Variants in COL22A1 observed in about 807,000 individuals in gnomAD.
The protein encoded by COL22A1 is collagen type XXII alpha 1 chain, also known as collagen alpha-1(XXII) chain.
COL22A1 carries 221 observed loss-of-function variants against 248.9 expected under a neutral mutation model. The ratio of observed to expected loss-of-function variants is 0.89; its 90% confidence interval spans 0.80 to 0.99. The LOEUF (loss-of-function observed/expected upper bound fraction) is 0.99, where lower values mean the gene tolerates loss of function less well. COL22A1 is among the 50% of genes least tolerant of loss of function. The pLI, the probability that COL22A1 is intolerant of heterozygous loss-of-function variation, is 0.00. For synonymous variants in COL22A1, 891 were observed against 793.4 expected (o/e 1.12, Z -2.07); for missense variants, 2,240 against 2,179.0 (o/e 1.03, Z -0.56).
chr8:138,631,279 C>G (rs890500549), intron 49 of COL22A1, among the ~76,000 whole-genome samples: 1 of 152,150 alleles, frequency 6.6e-6, no homozygotes, highest in Non-Finnish European at 1.5e-5. Flanking sequence ...TCCTAGCTTC[C>G]TGAACCATAA....
At chr8:138,643,458 T>C (rs1365637304) in intron 47 of COL22A1, among the ~76,000 whole-genome samples, 1 of 152,148 alleles carries the variant, frequency 6.6e-6, no homozygotes, top group East Asian at 1.9e-4. Flanking sequence ...CAACATAGAA[T>C]TATTGGTTTT....
chr8:138,713,179 A>C (rs1260252966), intron 30 of COL22A1, among the ~76,000 whole-genome samples: 1 of 152,012 alleles, frequency 6.6e-6, no homozygotes, highest in Admixed American at 6.6e-5. Flanking sequence ...GACGAACTAC[A>C]GTTGTGTGAA....
At chr8:138,597,493 C>T (rs1040267201) in intron 61 of COL22A1, among the ~76,000 whole-genome samples, 1 of 152,180 alleles carries the variant, frequency 6.6e-6, no homozygotes, top group African/African-American at 2.4e-5. Context: ...CTCACCAAGT[C>T]CTGGTGCTTG....
At chr8:138,833,522 C>T (rs1404673484) in intron 4 of COL22A1, among the ~76,000 whole-genome samples, 5 of 152,172 alleles carry the variant, frequency 3.3e-5, no homozygotes, top group African/African-American at 4.8e-5. Context: ...GCTCTGCAGG[C>T]GAACGGCCAC....
chr8:138,806,178 AATGGTGTGTG>A (rs1441166953), intron 10 of COL22A1, among the ~76,000 whole-genome samples: 1 of 5,384 alleles, frequency 1.9e-4, no homozygotes, highest in Non-Finnish European at 3.2e-4. Context: ...TGGTGTAAGT[AATGGTGTGTG>A]ATGGTGTGTG....
chr8:138,611,270 T>G (rs1032255981), intron 56 of COL22A1, among the ~76,000 whole-genome samples: 3 of 152,244 alleles, frequency 2.0e-5, no homozygotes, highest in Non-Finnish European at 4.4e-5. Flanking sequence ...ATTACCTTGC[T>G]GGATTCTTAC....
At position 138,617,024 on chromosome 8, in the gene COL22A1, T is replaced by C. The variant is rs192429325; in HGVS notation, c.3826-66A>G. 1.9e-5 allele frequency: 30 copies of C among 1,558,480 alleles called. No homozygotes were observed. The East Asian group carries it at 6.3e-4, about 33-fold the overall frequency. ...CTCTTGGGGCAGAAGTGGGCAGGCA[T>C]ACCTCCCTGCCGGCTTTGACCCACG... On this transcript the variant is annotated intron_variant, in intron 53 of 64. Coordinates refer to ENST00000303045, the MANE Select transcript of COL22A1 (RefSeq NM_152888.3).
chr8:138,666,315 G>T (rs1026550772), intron 41 of COL22A1, among the ~76,000 whole-genome samples: 1 of 152,048 alleles, frequency 6.6e-6, no homozygotes, highest in Admixed American at 6.5e-5. Context: ...TAAACAAAGG[G>T]GACTTCCAGC....
intron 50 of COL22A1, among the ~76,000 whole-genome samples, chr8:138,628,760 CTTTT>C (rs56318714): frequency 1.6e-5 from 2 of 124,292 alleles, no homozygotes; most frequent in Non-Finnish European, 3.1e-5. Flanking sequence ...AGATCCACAT[CTTTT>C]TTTTTTTTTT....
At chr8:138,820,056 G>A (rs6990065) in intron 7 of COL22A1, among the ~76,000 whole-genome samples, 91,220 of 151,764 alleles carry the variant, frequency 0.6, 27,802 homozygotes, top group Middle Eastern at 0.76. Flanking sequence ...AATGAATGAC[G>A]TATGAATGAA....
At chr8:138,790,374 G>T (rs1048395848) in intron 12 of COL22A1, among the ~76,000 whole-genome samples, 5 of 152,158 alleles carry the variant, frequency 3.3e-5, no homozygotes, top group African/African-American at 1.2e-4. Flanking sequence ...TCACCTTGGG[G>T]GTTAGGATTT....
intron 62 of COL22A1, 86 bp from the exon 63 acceptor site, chr8:138,594,285 A>G: frequency 8.2e-7 from 1 of 1,216,860 alleles, no homozygotes; most frequent in Non-Finnish European, 1.1e-6. Context: ...ACTCAGAACC[A>G]GGGGGCCGAT....
At chr8:138,778,228 T>C in intron 15 of COL22A1, 125 bp downstream of exon 15, 1 of 971,566 alleles carries the variant, frequency 1.0e-6, no homozygotes, top group Non-Finnish European at 1.6e-6. Flanking sequence ...TACCAACACT[T>C]CATTGGCATC....
chr8:138,806,551 C>G (rs1363437514), intron 10 of COL22A1, among the ~76,000 whole-genome samples: 1 of 152,104 alleles, frequency 6.6e-6, no homozygotes, highest in African/African-American at 2.4e-5. Flanking sequence ...CAAAGGTGGA[C>G]AGGAAGAAAG....
intron 60 of COL22A1, among the ~76,000 whole-genome samples, chr8:138,601,766 G>GC (rs1818036028): frequency 6.6e-6 from 1 of 152,208 alleles, no homozygotes; most frequent in Admixed American, 6.5e-5. Context: ...CGGGAGCCGA[G>GC]CCCGTCTCGG....
At chr8:138,890,749 A>C (rs927665571) in intron 1 of COL22A1, among the ~76,000 whole-genome samples, 1 of 152,180 alleles carries the variant, frequency 6.6e-6, no homozygotes, top group African/African-American at 2.4e-5. Context: ...ACAGTGGCTC[A>C]TGCCTGTAAT....
At chr8:138,721,034 C>A (rs1829830236) in intron 26 of COL22A1, among the ~76,000 whole-genome samples, 1 of 152,124 alleles carries the variant, frequency 6.6e-6, no homozygotes, top group South Asian at 2.1e-4. Context: ...AATTGGCATT[C>A]TCTCTTATTG....
intron 4 of COL22A1, among the ~76,000 whole-genome samples, chr8:138,838,863 T>C (rs1381848284): frequency 1.3e-5 from 2 of 152,108 alleles, no homozygotes; most frequent in African/African-American, 4.8e-5. Context: ...CAGAAGACCT[T>C]AGTGATGGCC....
At chr8:138,776,810 T>C (rs1170378957) in intron 15 of COL22A1, among the ~76,000 whole-genome samples, 2 of 152,218 alleles carry the variant, frequency 1.3e-5, no homozygotes. Flanking sequence ...TAGGCACTAA[T>C]ACACATTTGT....
Sources: allele counts gnomAD v4.1 joint callset (sites outside exome capture counted in the v4.1 genomes callset), GRCh38; gene constraint gnomAD v4.1.1; transcripts MANE v1.5; gene names NCBI Gene and HGNC (gene_info 2026-07-23, HGNC 2026-07-21).